Variants in UQCRC2 observed in about 807,000 individuals in gnomAD.
UQCRC2 encodes the protein cytochrome b-c1 complex subunit 2, mitochondrial.
Under a neutral mutation model 55.6 loss-of-function variants are expected in UQCRC2, and 49 were observed. That is an observed-to-expected ratio of 0.88 (90% CI 0.70 to 1.12). UQCRC2 has a LOEUF of 1.12. Ranked by LOEUF, UQCRC2 falls within the 50% of genes most tolerant of loss-of-function variation. The pLI, the probability that UQCRC2 is intolerant of heterozygous loss-of-function variation, is 0.00. For missense variants in UQCRC2, 506 were observed against 547.8 expected (o/e 0.92, Z 0.76); for synonymous variants, 193 against 192.0 (o/e 1.01, Z -0.04).
chr16:21,969,677 T>A (rs958922536), intron 8 of UQCRC2, among the ~76,000 whole-genome samples: 9 of 152,198 alleles, frequency 5.9e-5, no homozygotes, highest in African/African-American at 2.2e-4. Context: ...AAATTACAGC[T>A]TAAGATATAA....
intron 12 of UQCRC2, chr16:21,976,521 G>A (rs1898590305): frequency 3.3e-6 from 1 of 299,938 alleles, no homozygotes; most frequent in Non-Finnish European, 6.2e-6. Flanking sequence ...GCAAGACCTC[G>A]TCTCCACCAA....
chr16:21,974,038 C>T lies in UQCRC2; in HGVS notation c.1047+62C>T. 4.8e-6 allele frequency: 7 copies of T among 1,469,762 alleles called. No individual in the cohort carries two copies. In the South Asian group the frequency reaches 7.1e-5, roughly 15 times the overall value. 91.0% of individuals were successfully genotyped at this position (1,469,762 alleles called of 1,614,324 possible). A position where few individuals can be genotyped will look rare whatever the true frequency, so the allele number is the denominator to read the frequency against. ...AGTTATTTCTCCCCCCCGCCATAAA[C>T]ATGTTTTCGGTTAAAATATGGAATG... On this transcript the variant is annotated intron_variant, in intron 11 of 13. Coordinates refer to ENST00000268379, the MANE Select transcript of UQCRC2 (RefSeq NM_003366.4).
chr16:21,958,541 A>G lies in UQCRC2; in HGVS notation c.274A>G (p.Lys92Glu), dbSNP rs1413531746. 9 of 1,612,312 alleles carry G rather than the reference A, an allele frequency of 5.6e-6. No homozygotes were observed. The highest frequency in any genetic ancestry group is 7.6e-6 in the Non-Finnish European group (9 of 1,179,576). ...TCATTCTTTCTTTTTCAAGACGACA[A>G]AAGGAGCTTCATCTTTCAAGATAAC... ...LLRLTSSLTTKGASSFKITRG... is the reference protein window; with the variant it reads ...LLRLTSSLTTEGASSFKITRG... Residue 92 changes from lysine (K) to glutamate (E), a missense_variant, in exon 4 of 14, where the codon AAA becomes GAA. Coordinates refer to ENST00000268379, the MANE Select transcript of UQCRC2 (RefSeq NM_003366.4).
At chr16:21,956,433 A>G (rs1597948808) in intron 1 of UQCRC2, among the ~76,000 whole-genome samples, 1 of 152,094 alleles carries the variant, frequency 6.6e-6, no homozygotes, top group Non-Finnish European at 1.5e-5. Flanking sequence ...AATCCCAGCT[A>G]CTTGGGAGGC....
At chr16:21,967,038 A>G (rs1164311190) in intron 7 of UQCRC2, among the ~76,000 whole-genome samples, 2 of 152,216 alleles carry the variant, frequency 1.3e-5, no homozygotes, top group African/African-American at 2.4e-5. Context: ...GTATGTATGT[A>G]TGCATTATAG....
chr16:21,982,642 A>G (rs748225909), intron 13 of UQCRC2, among the ~76,000 whole-genome samples: 2 of 152,140 alleles, frequency 1.3e-5, no homozygotes, highest in African/African-American at 4.8e-5. Flanking sequence ...AATTTTCACA[A>G]CAGCTATTAT....
intron 3 of UQCRC2, among the ~76,000 whole-genome samples, chr16:21,957,789 T>C (rs933079683): frequency 6.6e-6 from 1 of 152,226 alleles, no homozygotes; most frequent in East Asian, 1.9e-4. Context: ...TCAGCAGGGC[T>C]GTGATCCCTC....
intron 4 of UQCRC2, chr16:21,962,256 C>T: frequency 1.7e-6 from 1 of 581,984 alleles, no homozygotes; most frequent in East Asian, 2.9e-5. Flanking sequence ...CCAGATTTCA[C>T]TCCTTTTAAG....
intron 12 of UQCRC2, chr16:21,976,786 A>T (rs1181422312): frequency 1.3e-5 from 2 of 152,232 alleles, no homozygotes; most frequent in African/African-American, 4.8e-5. Flanking sequence ...TCCTTATTAT[A>T]GAAGTTTGAA....
chr16:21,963,134 G>A (rs978864053), intron 6 of UQCRC2: 28 of 289,212 alleles, frequency 9.7e-5, no homozygotes, highest in Non-Finnish European at 1.6e-4. Context: ...AATTATAGGT[G>A]TGCACCACCA....
At chr16:21,960,311 T>A (rs1004539718) in intron 4 of UQCRC2, among the ~76,000 whole-genome samples, 2 of 152,258 alleles carry the variant, frequency 1.3e-5, no homozygotes, top group Non-Finnish European at 2.9e-5. Flanking sequence ...AGATGGCTTC[T>A]TTCCTTAAAG....
At chr16:21,978,823 CCT>C (rs1421751212) in intron 12 of UQCRC2, among the ~76,000 whole-genome samples, 1 of 152,100 alleles carries the variant, frequency 6.6e-6, no homozygotes, top group Non-Finnish European at 1.5e-5. Flanking sequence ...TTAAAATTGC[CCT>C]GTTTCACTGT....
chr16:21,955,331 A>G (rs1898070827), intron 1 of UQCRC2, among the ~76,000 whole-genome samples: 1 of 152,242 alleles, frequency 6.6e-6, no homozygotes, highest in Admixed American at 6.5e-5. Context: ...AGTGATAACC[A>G]GCAGCCAACC....
intron 7 of UQCRC2, among the ~76,000 whole-genome samples, chr16:21,968,018 T>C (rs924208798): frequency 2.7e-5 from 4 of 150,872 alleles, no homozygotes; most frequent in African/African-American, 9.7e-5. Flanking sequence ...TTTTTTTTTT[T>C]TGAGACAGAG....
chr16:21,955,606 A>T (rs1898074728), intron 1 of UQCRC2, among the ~76,000 whole-genome samples: 1 of 152,210 alleles, frequency 6.6e-6, no homozygotes, highest in African/African-American at 2.4e-5. Flanking sequence ...TCTAATATTT[A>T]ATGGGACCCT....
rs1567476444 is a variant in UQCRC2, at chr16:21,971,921, A to T, written c.767-2A>T. 2.5e-6 allele frequency: 4 copies of T among 1,613,854 alleles called. No homozygotes were observed. The highest frequency in any genetic ancestry group is 3.4e-6 in the Non-Finnish European group (4 of 1,180,024). ...TTCCCTCTATCCTTAATCTGGCCCCAGGTGAAATCCGAGAACAGAATGGAG... is the reference window on the plus strand; with the variant it reads ...TTCCCTCTATCCTTAATCTGGCCCCTGGTGAAATCCGAGAACAGAATGGAG... On this transcript the variant is annotated splice_acceptor_variant, in intron 9 of 13. Coordinates refer to ENST00000268379, the MANE Select transcript of UQCRC2 (RefSeq NM_003366.4). LOFTEE classifies it high-confidence loss of function.
rs1388245179 is a variant in UQCRC2 at position 21,983,348 on chromosome 16, G to C, written c.*177G>C. On this transcript the variant is annotated 3_prime_UTR_variant, in exon 14 of 14. Coordinates refer to ENST00000268379, the MANE Select transcript of UQCRC2 (RefSeq NM_003366.4). ...AAAGTCAATAAAACATTCTGTTTAA[G>C]TGTTTTTCTTACGTTTTTCTCAATG... is the stretch of plus-strand genomic sequence containing the variant. 7.3e-6 allele frequency: 4 copies of C among 551,238 alleles called. No individual in the cohort carries two copies. The highest frequency in any genetic ancestry group is 1.3e-5 in the Non-Finnish European group (4 of 319,642). 34.1% of individuals were successfully genotyped at this position (551,238 alleles called of 1,614,324 possible).
In UQCRC2 at chr16:21,957,300, A is replaced by G; in HGVS notation, c.99A>G (p.Pro33=). 2 of 1,614,042 alleles carry G rather than the reference A, an allele frequency of 1.2e-6. No homozygotes were observed. The highest frequency in any genetic ancestry group is 2.2e-5 in the East Asian group (1 of 44,882). ...CAGCTGCGCCTGCAGGAGCACCGCC[A>G]CAACCTCAGGACCTTGAGGTTAGTC... ...KATAAPAGAP[P]QPQDLEFTKL... is the part of the protein sequence containing the mutation. The change falls in exon 2 of 14, where the codon CCA becomes CCG. Residue 33 remains proline (P), a synonymous_variant. Transcript: ENST00000268379.
intron 1 of UQCRC2, 152 bp from the exon 2 acceptor site, chr16:21,957,083 A>G (rs1898097577): frequency 3.1e-6 from 2 of 642,896 alleles, no homozygotes; most frequent in Middle Eastern, 4.3e-4. Flanking sequence ...AAAAAAAAAA[A>G]ATGTTATGCA....
Sources: allele counts gnomAD v4.1 joint callset (sites outside exome capture counted in the v4.1 genomes callset), GRCh38; gene constraint gnomAD v4.1.1; transcripts MANE v1.5; gene names NCBI Gene and HGNC (gene_info 2026-07-23, HGNC 2026-07-21).